The following UNC13D variants were observed in gnomAD, a reference collection of about 807,000 sequenced individuals.
UNC13D encodes unc-13 homolog D.
In UNC13D, 115 loss-of-function variants were observed where a neutral mutation model predicts 151.7. The observed-to-expected ratio is 0.76, with a 90% CI of 0.65 to 0.88. The LOEUF is 0.88. Ranked by LOEUF, UNC13D falls within the 40% of genes least tolerant of loss-of-function variation. The probability of loss-of-function intolerance (pLI) is 0.00; values close to 1 mark genes in which losing one functional copy is unlikely to be tolerated. For synonymous variants in UNC13D, 588 were observed against 612.2 expected, an observed-to-expected ratio of 0.96 and a Z score of 0.58; for missense variants, 1,369 against 1,438.7, an observed-to-expected ratio of 0.95 and a Z score of 0.78.
intron 12 of UNC13D, 37 bp from the exon 13 acceptor site, chr17:75,836,955 G>T: frequency 6.2e-7 from 1 of 1,600,028 alleles, no homozygotes; most frequent in Non-Finnish European, 8.5e-7. Context: ...GGACAGGGAG[G>T]AGGAAATTGC....
rs376143715 is a variant in UNC13D at position 75,836,730 on chromosome 17, C to G, written c.1174-34G>C. 5.0e-6 allele frequency: 8 copies of G among 1,613,318 alleles called. No homozygotes were observed. The African/African-American group carries it at 9.3e-5, about 19-fold the overall frequency. ...CCAGGAGATGCTTTAGGGGCCTAGA[C>G]AGCTGCTGCTGCTCCCCTGCCCCTT... On this transcript the variant is annotated intron_variant, in intron 13 of 31. Transcript: ENST00000207549.
chr17:75,833,982 G>A lies in UNC13D; in HGVS notation c.2367+93C>T, dbSNP rs1181324351. On this transcript the variant is annotated intron_variant, in intron 24 of 31. Coordinates refer to ENST00000207549, the MANE Select transcript of UNC13D (RefSeq NM_199242.3). The surrounding 1 kb of genome is among the most constrained non-coding windows in gnomAD (Gnocchi z 4.0). ...GGAGAGAACATGCTTTGCCTGGTCT[G>A]GGGGACTTATCTTTGACACCAAGGC... The A allele has an allele frequency of 6.7e-7, 1 of 1,500,788 alleles. No individual in the cohort carries two copies. Among genetic ancestry groups the A allele is most frequent in the East Asian group, 2.3e-5 (1 of 44,310 alleles). 93.0% of individuals were successfully genotyped at this position (1,500,788 alleles called of 1,614,324 possible). A position where few individuals can be genotyped will look rare whatever the true frequency, so the allele number is the denominator to read the frequency against.
At chr17:75,830,523 G>A (rs371740556) in intron 28 of UNC13D, 41 bp from the exon 29 acceptor site, 44 of 1,582,594 alleles carry the variant, frequency 2.8e-5, no homozygotes, top group South Asian at 1.8e-4. Context: ...GGGTCACAGC[G>A]GGAGCGGGGT....
chr17:75,830,510 G>T, intron 28 of UNC13D, 28 bp from the exon 29 acceptor site: 4 of 1,588,534 alleles, frequency 2.5e-6, no homozygotes, highest in Non-Finnish European at 3.4e-6. Context: ...GGCAGGGTCA[G>T]CAGGGTCACA....
rs748830247 is a variant in UNC13D at position 75,840,520 on chromosome 17, A to C, written c.740T>G (p.Val247Gly). ...KGQDDFLGNV[V>G]LRLQDLRCRE... ...CATCCTCCTCACCTGCAGCCTCAGA[A>C]CCACGTTCCCCAGAAAGTCGTCCTG... The change falls in exon 9 of 32, where the codon GTT becomes GGT. Residue 247 changes from valine (V) to glycine (G), a missense_variant. By Grantham distance (109) the Val-to-Gly change is moderately radical (BLOSUM62 -3). Around this residue, in one of 3 missense-constraint regions of UNC13D, gnomAD observed 550 missense variants for 609.0 expected, o/e 0.90. Transcript: ENST00000207549. This position sits in a 1 kb window ranked among gnomAD's most constrained non-coding sequence, Gnocchi z 4.6. 6 of 1,613,812 alleles carry C rather than the reference A, an allele frequency of 3.7e-6. No individual in the cohort carries two copies. The African/African-American group carries it at 8.0e-5, about 22-fold the overall frequency.
At position 75,830,578 on chromosome 17, in the gene UNC13D, C is replaced by T. The variant is rs761730323; in HGVS notation, c.2709G>A (p.Gln903=). The T allele has an allele frequency of 6.4e-7, 1 of 1,563,170 alleles. No individual in the cohort carries two copies. The highest frequency in any genetic ancestry group is 1.2e-5 in the South Asian group (1 of 85,158). The stretch of plus-strand genomic sequence containing the variant: ...GCGCAGTGCGAGGGAGGGGCCTCAC[C>T]TGCTGCTGGATTCGGCTGCAGAAGT... ...RKYFCSRIQQ[Q]AETTSEELGA... is the part of the protein sequence containing the mutation. The change falls in exon 28 of 32, where the codon CAG becomes CAA. Residue 903 remains glutamine, a splice_region_variant and synonymous_variant. Transcript: ENST00000207549.
At position 75,835,555 on chromosome 17, in the gene UNC13D, G is replaced by A. The variant is rs368170779; in HGVS notation, c.1728-26C>T. On this transcript the variant is annotated intron_variant, in intron 19 of 31. Transcript: ENST00000207549. ...CTGGGGATTGCCGGGGCTCAGCGTC[G>A]GGAAGGCTGGGGCCACCATGGACCC... 122 of 1,600,708 alleles carry A rather than the reference G, an allele frequency of 7.6e-5. 1 individual carries two copies. The highest frequency in any genetic ancestry group is 4.3e-4 in the South Asian group (39 of 89,818).
At position 75,832,244 on chromosome 17, in the gene UNC13D, T is replaced by G. The variant is rs1333419420; in HGVS notation, c.2447+722A>C. ...GCTGCGGCCTCTTCAGGGCCCAGAT[T>G]CCACAGGGAGGTGGGGCGCTGTCAT... is the stretch of plus-strand genomic sequence containing the variant. On this transcript the variant is annotated intron_variant, in intron 25 of 31. Transcript: ENST00000207549. This position sits in a 1 kb window ranked among gnomAD's most constrained non-coding sequence, Gnocchi z 4.3. The G allele has an allele frequency of 1.3e-5, 2 of 152,320 alleles. No individual in the cohort carries two copies. The highest frequency in any genetic ancestry group is 2.4e-5 in the African/African-American group (1 of 41,466). 9.4% of individuals were successfully genotyped at this position (152,320 alleles called of 1,614,324 possible). A position where few individuals can be genotyped will look rare whatever the true frequency, so the allele number is the denominator to read the frequency against.
chr17:75,834,258 G>T, intron 23 of UNC13D, 67 bp downstream of exon 23: 1 of 1,583,342 alleles, frequency 6.3e-7, no homozygotes. Flanking sequence ...CTTGGCCCAG[G>T]TGCTGCTGGA....
At position 75,842,932 on chromosome 17, in the gene UNC13D, AC is replaced by A; in HGVS notation, c.322-10del. On this transcript the variant is annotated splice_polypyrimidine_tract_variant and intron_variant, in intron 4 of 31. Coordinates refer to ENST00000207549, the MANE Select transcript of UNC13D (RefSeq NM_199242.3). ...AGACAAAATATTGGCTTCTGGAGGG[AC>A]AGGAGGGATGGCCTGAGTCCCTGAG... 6.2e-7 allele frequency: 1 copy of A among 1,613,256 alleles called. No individual in the cohort carries two copies. The highest frequency in any genetic ancestry group is 8.5e-7 in the Non-Finnish European group (1 of 1,179,980).
In UNC13D at chr17:75,827,468, C is replaced by T; in HGVS notation, c.*497G>A. On this transcript the variant is annotated 3_prime_UTR_variant, in exon 32 of 32. Transcript: ENST00000207549. ...CCCCTGGGGAGAGGACCCAGGCCCC[C>T]TCTAGTAATGGCCACCACCCTCCCC... 2 of 1,469,620 alleles carry T rather than the reference C, an allele frequency of 1.4e-6. No individual in the cohort carries two copies. Among genetic ancestry groups the T allele is most frequent in the East Asian group, 5.0e-5 (2 of 40,148 alleles). The allele number at this position is 1,469,620 out of a possible 1,614,324, so 91.0% of individuals were successfully genotyped here.
At chr17:75,835,946 C>G in intron 17 of UNC13D, 40 bp from the exon 18 acceptor site, 1 of 1,614,176 alleles carries the variant, frequency 6.2e-7, no homozygotes, top group Non-Finnish European at 8.5e-7. Context: ...TGGCATACAC[C>G]AGGGTCCCCA....
At chr17:75,843,865 C>G in intron 1 of UNC13D, 1 of 1,369,980 alleles carries the variant, frequency 7.3e-7, no homozygotes. Flanking sequence ...GGGGGTGCCA[C>G]GTCGGCCTGG....
rs762581728 is a variant in UNC13D, at chr17:75,827,927, C to A, written c.*38G>T. On this transcript the variant is annotated 3_prime_UTR_variant, in exon 32 of 32. Transcript: ENST00000207549. ...ACCCTACAGGAAAGCCCTTGCAAGT[C>A]CCCACCGGGGACCCAGCCCCACCGC... The A allele has an allele frequency of 1.3e-5, 21 of 1,602,574 alleles. No homozygotes were observed. Among genetic ancestry groups the A allele is most frequent in the Non-Finnish European group, 1.7e-6 (2 of 1,176,582 alleles).
Position 75,834,309 on chromosome 17 carries a change from C to G in UNC13D, c.2298+16G>C. On this transcript the variant is annotated intron_variant, in intron 23 of 31. Transcript: ENST00000207549. Reference sequence around the variant, plus strand: ...GACGGGATGGGATGGGGTGACTGTGCGGTCGGACAAGGTACCTGCTCGGCC... The same window carrying G: ...GACGGGATGGGATGGGGTGACTGTGGGGTCGGACAAGGTACCTGCTCGGCC... 6.3e-7 allele frequency: 1 copy of G among 1,592,292 alleles called. No homozygotes were observed. Among genetic ancestry groups the G allele is most frequent in the South Asian group, 1.1e-5 (1 of 90,098 alleles).
At chr17:75,834,253 C>T in intron 23 of UNC13D, 72 bp downstream of exon 23, 3 of 1,583,292 alleles carry the variant, frequency 1.9e-6, no homozygotes, top group South Asian at 2.3e-5. Context: ...TGGACCTTGG[C>T]CCAGGTGCTG....
chr17:75,840,198 T>C lies in UNC13D; in HGVS notation c.858+27A>G, dbSNP rs1352711578. On this transcript the variant is annotated intron_variant, in intron 10 of 31. Transcript: ENST00000207549. The surrounding 1 kb of genome is among the most constrained non-coding windows in gnomAD (Gnocchi z 4.6). Reference sequence around the variant, plus strand: ...AGCAGACCGCCGCAAGAGCTGGGCATGGCCACTGGCCCAGTACCCGACCTA... The same window carrying C: ...AGCAGACCGCCGCAAGAGCTGGGCACGGCCACTGGCCCAGTACCCGACCTA... The C allele has an allele frequency of 2.5e-6, 4 of 1,613,160 alleles. No individual in the cohort carries two copies. The highest frequency in any genetic ancestry group is 3.4e-6 in the Non-Finnish European group (4 of 1,179,450).
chr17:75,843,478 T>C lies in UNC13D; in HGVS notation c.153+6A>G. 1 of 1,608,572 alleles carries C rather than the reference T, an allele frequency of 6.2e-7. No individual in the cohort carries two copies. Among genetic ancestry groups the C allele is most frequent in the African/African-American group, 1.3e-5 (1 of 74,964 alleles). ...CCTCTCTGCACCCCAGCACTCTGAC[T>C]CTTACCTGCTCGGGGGAGAAGTGGT... On this transcript the variant is annotated splice_donor_region_variant and intron_variant, in intron 2 of 31. Coordinates refer to ENST00000207549, the MANE Select transcript of UNC13D (RefSeq NM_199242.3).
Position 75,834,434 on chromosome 17 carries a change from G to GC in UNC13D, c.2188dup (p.Ala730GlyfsTer26). 6.4e-7 allele frequency: 1 copy of GC among 1,566,964 alleles called. No homozygotes were observed. The highest frequency in any genetic ancestry group is 8.6e-7 in the Non-Finnish European group (1 of 1,161,586). On this transcript the variant is annotated frameshift_variant, in exon 23 of 32. Coordinates refer to ENST00000207549, the MANE Select transcript of UNC13D (RefSeq NM_199242.3). LOFTEE classifies it high-confidence loss of function. ...CTGCAGCTGCCCCTGCTCCAGCACG[G>GC]CCCCTACCCGCTGCTCCAGGGCCTC...
Sources: gnomAD v4.1 joint callset for allele counts on GRCh38, gnomAD v4.1.1 for gene constraint, gnomAD v4.1.1 regional missense constraint, Gnocchi (gnomAD v3.1) non-coding constraint, MANE v1.5 for transcripts, NCBI Gene and HGNC (gene_info 2026-07-23, HGNC 2026-07-21) for gene names.